MMRN1: variants seen among roughly 807,000 people sequenced by gnomAD.
MMRN1 encodes the protein multimerin-1.
Under a neutral mutation model 100.7 loss-of-function variants are expected in MMRN1, and 94 were observed. The ratio of observed to expected loss-of-function variants is 0.93; its 90% confidence interval spans 0.79 to 1.11. The LOEUF is 1.11. Ranked by LOEUF, MMRN1 falls within the 50% of genes least tolerant of loss-of-function variation. MMRN1 has a pLI of 0.00. For synonymous variants in MMRN1, 575 were observed against 505.0 expected (o/e 1.14, Z -1.86); for missense variants, 1,606 against 1,439.1 (o/e 1.12, Z -1.88).
At chr4:89,884,978 A>G (rs1468000204) in intron 1 of MMRN1, among the ~76,000 whole-genome samples, 1 of 152,154 alleles carries the variant, frequency 6.6e-6, no homozygotes, top group Admixed American at 6.5e-5. Context: ...TCAAAGTTTC[A>G]TAATTAATAA....
At chr4:89,942,679 C>T (rs1722870795) in intron 6 of MMRN1, among the ~76,000 whole-genome samples, 1 of 151,876 alleles carries the variant, frequency 6.6e-6, no homozygotes, top group South Asian at 2.1e-4. Flanking sequence ...GGGAAAATAT[C>T]ACATGAAACT....
At chr4:89,881,260 ATACT>A (rs1293820040) in intron 1 of MMRN1, among the ~76,000 whole-genome samples, 1 of 152,172 alleles carries the variant, frequency 6.6e-6, no homozygotes, top group Non-Finnish European at 1.5e-5. Flanking sequence ...AATCTGGCAC[ATACT>A]TACTTCAAAA....
chr4:89,909,481 A>G (rs1019039458), intron 2 of MMRN1, 86 bp downstream of exon 2: 27 of 1,489,568 alleles, frequency 1.8e-5, no homozygotes, highest in Non-Finnish European at 2.1e-5. Context: ...CATGCAAGGT[A>G]CATAATACAT....
At chr4:89,925,535 AT>A (rs1722225488) in intron 4 of MMRN1, among the ~76,000 whole-genome samples, 1 of 150,140 alleles carries the variant, frequency 6.7e-6, no homozygotes, top group East Asian at 1.9e-4. Context: ...TTAATTAAAA[AT>A]TTAAGTGGTT....
chr4:89,937,955 A>G (rs571691515), intron 6 of MMRN1, among the ~76,000 whole-genome samples: 2 of 152,258 alleles, frequency 1.3e-5, no homozygotes, highest in South Asian at 2.1e-4. Flanking sequence ...GTAATATTGA[A>G]TAATCTTTTC....
intron 1 of MMRN1, among the ~76,000 whole-genome samples, chr4:89,897,082 C>T (rs1265682028): frequency 6.6e-6 from 1 of 152,120 alleles, no homozygotes; most frequent in South Asian, 2.1e-4. Flanking sequence ...TTCTAAATCA[C>T]TTGAATGCAT....
At chr4:89,881,997 G>A (rs1245282064) in intron 1 of MMRN1, among the ~76,000 whole-genome samples, 1 of 151,704 alleles carries the variant, frequency 6.6e-6, no homozygotes, top group Non-Finnish European at 1.5e-5. Flanking sequence ...TCAGCAGCGG[G>A]GGTCTCTCTA....
intron 5 of MMRN1, among the ~76,000 whole-genome samples, chr4:89,930,687 G>A (rs1411724477): frequency 6.6e-6 from 1 of 151,972 alleles, no homozygotes; most frequent in Non-Finnish European, 1.5e-5. Flanking sequence ...TGTTCTTATA[G>A]AAAGAGTAAT....
intron 4 of MMRN1, among the ~76,000 whole-genome samples, chr4:89,926,962 C>A (rs72659413): frequency 0.092 from 13,947 of 152,056 alleles, 847 homozygotes; most frequent in East Asian, 0.3. Flanking sequence ...TCTGGGTTCT[C>A]TATTCTATTC....
At chr4:89,930,432 T>C (rs185306456) in intron 5 of MMRN1, among the ~76,000 whole-genome samples, 1 of 152,118 alleles carries the variant, frequency 6.6e-6, no homozygotes, top group Non-Finnish European at 1.5e-5. Context: ...TTGCTTATTG[T>C]TTTTCTTATT....
At chr4:89,892,643 C>T (rs1159094226), upstream of MMRN1, among the ~76,000 whole-genome samples, 1 of 151,852 alleles carries the variant, frequency 6.6e-6, no homozygotes, top group Non-Finnish European at 1.5e-5. Context: ...TAGTGAGATA[C>T]AGAACCTTTA....
At chr4:89,895,671 C>A in intron 1 of MMRN1, 77 bp downstream of exon 1, 2 of 1,457,418 alleles carry the variant, frequency 1.4e-6, no homozygotes, top group Non-Finnish European at 1.8e-6. Flanking sequence ...TTACCTCACT[C>A]CCAGAAAATT....
At chr4:89,905,407 GACTT>G (rs1355426049) in intron 1 of MMRN1, among the ~76,000 whole-genome samples, 1 of 151,334 alleles carries the variant, frequency 6.6e-6, no homozygotes, top group African/African-American at 2.4e-5. Flanking sequence ...TCCCACCAGA[GACTT>G]AGTTCTTCCC....
At chr4:89,940,680 A>G (rs1006718611) in intron 6 of MMRN1, among the ~76,000 whole-genome samples, 3 of 152,166 alleles carry the variant, frequency 2.0e-5, no homozygotes, top group African/African-American at 7.2e-5. Flanking sequence ...ATAAAATAAG[A>G]ATAACATACA....
Position 89,945,077 on chromosome 4 carries a change from T to C in MMRN1, c.3119-6528T>C, listed in dbSNP as rs536897160. On this transcript the variant is annotated intron_variant, in intron 6 of 7. Transcript: ENST00000264790. The stretch of plus-strand genomic sequence containing the variant: ...TTTTCTTCCCAGACAATTCTATTTT[T>C]TCCAGAATATGTAAGAAACAAACTC... Among the ~76,000 whole-genome samples, 36 of 152,292 alleles carry C rather than the reference T, an allele frequency of 2.4e-4. No individual in the cohort carries two copies. In the East Asian group the frequency reaches 6.9e-3, roughly 29 times the overall value.
chr4:89,936,932 G>C, intron 6 of MMRN1, 134 bp downstream of exon 6: 1 of 720,054 alleles, frequency 1.4e-6, no homozygotes, highest in Non-Finnish European at 2.1e-6. Flanking sequence ...AAGTTGTGAA[G>C]ATCACTGACA....
At position 89,936,801 on chromosome 4, in the gene MMRN1, A is replaced by G; in HGVS notation, c.3118+3A>G. ...CACGGACAACATAATATATCCTGGT[A>G]AGCTGTTACTGAAAAGTAACTTTTA... On this transcript the variant is annotated splice_donor_region_variant and intron_variant, in intron 6 of 7. Transcript: ENST00000264790. 1 of 1,567,212 alleles carries G rather than the reference A, an allele frequency of 6.4e-7. No individual in the cohort carries two copies. Among genetic ancestry groups the G allele is most frequent in the African/African-American group, 1.4e-5 (1 of 72,718 alleles).
intron 1 of MMRN1, among the ~76,000 whole-genome samples, chr4:89,907,759 C>G (rs1721613979): frequency 6.7e-6 from 1 of 150,094 alleles, no homozygotes; most frequent in Non-Finnish European, 1.5e-5. Context: ...ACTTCTCGTT[C>G]TATTTAATGG....
At chr4:89,880,838 C>T (rs1011386587) in intron 1 of MMRN1, among the ~76,000 whole-genome samples, 1 of 151,996 alleles carries the variant, frequency 6.6e-6, no homozygotes, top group African/African-American at 2.4e-5. Context: ...ACCAGCAATC[C>T]CTGACAGCAG....
Sources: allele counts gnomAD v4.1 joint callset (sites outside exome capture counted in the v4.1 genomes callset), GRCh38; gene constraint gnomAD v4.1.1; transcripts MANE v1.5; gene names NCBI Gene and HGNC (gene_info 2026-07-23, HGNC 2026-07-21).